MYRFL: variants seen among roughly 807,000 people sequenced by gnomAD.
MYRFL encodes myelin regulatory factor-like protein.
A neutral mutation model predicts 109.4 loss-of-function variants in MYRFL; 88 were observed. The observed-to-expected ratio is 0.80, with a 90% CI of 0.68 to 0.96. MYRFL has a LOEUF of 0.96. Among genes scored for constraint, MYRFL ranks in the 40% least tolerant of loss-of-function variants. The probability of loss-of-function intolerance (pLI) is 0.00; values close to 1 mark genes in which losing one functional copy is unlikely to be tolerated. For synonymous variants in MYRFL, 324 were observed against 320.9 expected (o/e 1.01, Z -0.10); for missense variants, 957 against 954.9 (o/e 1.00, Z -0.03).
chr12:69,950,111 ATTT>A (rs34982566), intron 19 of MYRFL, among the ~76,000 whole-genome samples: 5 of 150,290 alleles, frequency 3.3e-5, no homozygotes, highest in Admixed American at 1.3e-4. Flanking sequence ...AGCATGCTCA[ATTT>A]TTTTTTTTAT....
At chr12:69,873,320 G>A (rs1240221) in intron 2 of MYRFL, among the ~76,000 whole-genome samples, 43,702 of 152,032 alleles carry the variant, frequency 0.29, 6,947 homozygotes, top group Middle Eastern at 0.47. Flanking sequence ...GGCTGCATCC[G>A]TCCTGGGCTG....
At chr12:69,930,741 G>A (rs147087301) in intron 15 of MYRFL, among the ~76,000 whole-genome samples, 1 of 151,612 alleles carries the variant, frequency 6.6e-6, no homozygotes, top group East Asian at 1.9e-4. Context: ...GAGCCCAGGT[G>A]GTAGAGGCTG....
chr12:69,895,237 A>T (rs1953947551), intron 8 of MYRFL, 134 bp from the exon 9 acceptor site: 1 of 660,166 alleles, frequency 1.5e-6, no homozygotes, highest in Non-Finnish European at 2.6e-6. Context: ...CGGGGACTAG[A>T]ATAAACTGTT....
At chr12:69,932,442 A>G in intron 15 of MYRFL, 71 bp from the exon 16 acceptor site, 2 of 990,864 alleles carry the variant, frequency 2.0e-6, no homozygotes, top group South Asian at 2.8e-5. Flanking sequence ...TGCTGGGAGC[A>G]GTTCTCCAGG....
intron 1 of MYRFL, among the ~76,000 whole-genome samples, chr12:69,850,930 C>CT (rs1883840904): frequency 6.6e-6 from 1 of 151,954 alleles, no homozygotes; most frequent in Non-Finnish European, 1.5e-5. Flanking sequence ...TTGGAATTGT[C>CT]TATCTGTTGC....
chr12:69,915,722 G>A (rs1384498060), intron 13 of MYRFL, among the ~76,000 whole-genome samples: 2 of 152,126 alleles, frequency 1.3e-5, no homozygotes, highest in Non-Finnish European at 2.9e-5. Context: ...GGGATTGGGA[G>A]TGACACTGAA....
intron 1 of MYRFL, among the ~76,000 whole-genome samples, chr12:69,828,835 A>G (rs1379204606): frequency 6.6e-6 from 1 of 152,116 alleles, no homozygotes; most frequent in Non-Finnish European, 1.5e-5. Flanking sequence ...AGGACTCATT[A>G]TTTGTTTCCA....
intron 1 of MYRFL, among the ~76,000 whole-genome samples, chr12:69,827,879 C>T (rs1882386543): frequency 6.6e-6 from 1 of 151,918 alleles, no homozygotes; most frequent in African/African-American, 2.4e-5. Context: ...TCCATTCATG[C>T]ACACACAAAT....
chr12:69,891,803 G>A (rs1886931040), intron 7 of MYRFL, among the ~76,000 whole-genome samples: 2 of 151,478 alleles, frequency 1.3e-5, no homozygotes, highest in African/African-American at 2.4e-5. Flanking sequence ...GGCTCAAGTG[G>A]GAGCCTCCCA....
chr12:69,952,405 A>C (rs1406589749), intron 20 of MYRFL, among the ~76,000 whole-genome samples: 1 of 152,152 alleles, frequency 6.6e-6, no homozygotes, highest in Admixed American at 6.5e-5. Flanking sequence ...GGATGTTCAT[A>C]ATTTATTTGA....
chr12:69,899,929 G>C (rs371184997), intron 10 of MYRFL, among the ~76,000 whole-genome samples: 5 of 152,322 alleles, frequency 3.3e-5, no homozygotes, highest in African/African-American at 1.2e-4. Context: ...ATTTCCCAGT[G>C]GAGTTCCTTC....
intron 2 of MYRFL, among the ~76,000 whole-genome samples, chr12:69,868,129 C>T (rs1175579489): frequency 2.2e-4 from 31 of 140,078 alleles, no homozygotes; most frequent in African/African-American, 6.6e-4. Context: ...TTTTTTGAGA[C>T]GGAGTCTCGC....
intron 6 of MYRFL, among the ~76,000 whole-genome samples, chr12:69,888,920 G>T (rs1886620638): frequency 6.6e-6 from 1 of 152,098 alleles, no homozygotes; most frequent in Non-Finnish European, 1.5e-5. Flanking sequence ...TCATTCAGTG[G>T]ATTTTCTTTT....
At chr12:69,893,072 C>T (rs1239500853) in intron 7 of MYRFL, among the ~76,000 whole-genome samples, 1 of 152,126 alleles carries the variant, frequency 6.6e-6, no homozygotes, top group Non-Finnish European at 1.5e-5. Context: ...CATCCACCCA[C>T]CTTTGCATAA....
At chr12:69,914,634 A>T (rs1030316271) in intron 13 of MYRFL, among the ~76,000 whole-genome samples, 4 of 152,140 alleles carry the variant, frequency 2.6e-5, no homozygotes, top group African/African-American at 9.7e-5. Context: ...TTCTCTTTCT[A>T]TCAGTTCCAA....
intron 1 of MYRFL, among the ~76,000 whole-genome samples, chr12:69,846,623 G>T (rs1342615842): frequency 6.6e-6 from 1 of 152,084 alleles, no homozygotes; most frequent in Non-Finnish European, 1.5e-5. Flanking sequence ...TTGGTTCCAA[G>T]TCTTTGCTAT....
chr12:69,882,896 T>G lies in MYRFL; in HGVS notation c.556+2604T>G, dbSNP rs1014083590. Among the ~76,000 whole-genome samples, 3 of 152,246 alleles carry G rather than the reference T, an allele frequency of 2.0e-5. No homozygotes were observed. In the East Asian group the frequency reaches 5.8e-4, roughly 29 times the overall value. On this transcript the variant is annotated intron_variant, in intron 5 of 24. Coordinates refer to ENST00000552032, the MANE Select transcript of MYRFL (RefSeq NM_182530.3). ...ATTCACACTGTAGCATCAGAAAATG[T>G]ACCTATCTCATCTCTCCAGGAATCT... is the stretch of plus-strand genomic sequence containing the variant.
intron 19 of MYRFL, among the ~76,000 whole-genome samples, chr12:69,946,323 A>G (rs1955839416): frequency 6.6e-6 from 1 of 152,156 alleles, no homozygotes; most frequent in Non-Finnish European, 1.5e-5. Context: ...ATACACTGGG[A>G]AAGTTGTTAT....
intron 13 of MYRFL, among the ~76,000 whole-genome samples, chr12:69,922,499 C>A (rs1232606007): frequency 6.6e-6 from 1 of 151,932 alleles, no homozygotes; most frequent in Non-Finnish European, 1.5e-5. Context: ...AGTAATGAAA[C>A]CCCATGTATG....
Sources: allele counts gnomAD v4.1 joint callset (sites outside exome capture counted in the v4.1 genomes callset), GRCh38; gene constraint gnomAD v4.1.1; transcripts MANE v1.5; gene names NCBI Gene and HGNC (gene_info 2026-07-23, HGNC 2026-07-21).